PDE4D: variants seen among roughly 807,000 people sequenced by gnomAD.
PDE4D encodes 3',5'-cyclic-AMP phosphodiesterase 4D.
PDE4D carries 24 observed loss-of-function variants against 87.4 expected under a neutral mutation model. The ratio of observed to expected loss-of-function variants is 0.27; its 90% CI spans 0.20 to 0.39. PDE4D has a LOEUF of 0.39. Ranked by LOEUF, PDE4D falls within the 10% of genes least tolerant of loss-of-function variation. The pLI is 1.00. For missense variants in PDE4D, 714 were observed against 1,041.0 expected (o/e 0.69, Z 4.32); for synonymous variants, 384 against 383.2 (o/e 1.00, Z -0.02).
intron 1 of PDE4D, among the ~76,000 whole-genome samples, chr5:59,647,898 T>C (rs1443095119): frequency 6.4e-4 from 97 of 152,300 alleles, no homozygotes; most frequent in Non-Finnish European, 2.6e-4. Flanking sequence ...ATATGTAAAA[T>C]GAGGTAGAAC....
At chr5:59,751,570 C>A (rs1159798672) in intron 1 of PDE4D, among the ~76,000 whole-genome samples, 1 of 91,532 alleles carries the variant, frequency 1.1e-5, no homozygotes, top group Admixed American at 1.0e-4. Context: ...ACATATAAAT[C>A]CCTGGTGTGT....
chr5:59,222,194 C>T (rs577866365), intron 1 of PDE4D, among the ~76,000 whole-genome samples: 1 of 152,310 alleles, frequency 6.6e-6, no homozygotes, highest in African/African-American at 2.4e-5. Flanking sequence ...TAATACAGTT[C>T]CAATCTACCT....
At chr5:59,469,749 T>G (rs1463062392) in intron 1 of PDE4D, among the ~76,000 whole-genome samples, 1 of 152,290 alleles carries the variant, frequency 6.6e-6, no homozygotes, top group African/African-American at 2.4e-5. Flanking sequence ...ATGGGACTTT[T>G]GGGAGAGTAG....
chr5:59,294,556 C>T (rs193047809), intron 1 of PDE4D, among the ~76,000 whole-genome samples: 19 of 152,244 alleles, frequency 1.2e-4, no homozygotes, highest in Non-Finnish European at 1.2e-4. Context: ...CAACCTGGCC[C>T]TTACTCCAGC....
intron 1 of PDE4D, among the ~76,000 whole-genome samples, chr5:59,729,749 T>A (rs1208639318): frequency 6.6e-6 from 1 of 152,086 alleles, no homozygotes; most frequent in African/African-American, 2.4e-5. Flanking sequence ...TATATACATC[T>A]TAATCTTTTG....
At chr5:60,154,619 G>A (rs767406375) in intron 2 of PDE4D, among the ~76,000 whole-genome samples, 5 of 152,088 alleles carry the variant, frequency 3.3e-5, no homozygotes, top group Non-Finnish European at 5.9e-5. Context: ...AAAATTGCAC[G>A]TAAGTGTAAA....
chr5:60,156,374 AAAAC>A (rs1156387321), intron 2 of PDE4D, among the ~76,000 whole-genome samples: 1 of 152,220 alleles, frequency 6.6e-6, no homozygotes, highest in Non-Finnish European at 1.5e-5. Flanking sequence ...TCCAAGATTG[AAAAC>A]ACATTTGAGA....
At chr5:60,338,090 G>A (rs907136728) in intron 1 of PDE4D, among the ~76,000 whole-genome samples, 6 of 152,118 alleles carry the variant, frequency 3.9e-5, no homozygotes, top group African/African-American at 1.4e-4. Flanking sequence ...GGTAGATAAA[G>A]GAAGGTGAGT....
intron 6 of PDE4D, among the ~76,000 whole-genome samples, chr5:59,002,603 T>C (rs976899613): frequency 7.9e-5 from 12 of 152,062 alleles, no homozygotes; most frequent in African/African-American, 2.9e-4. Flanking sequence ...AGAGCACACA[T>C]GCCTGGCCAG....
intron 1 of PDE4D, among the ~76,000 whole-genome samples, chr5:59,593,058 A>C (rs1361497579): frequency 6.6e-6 from 1 of 151,928 alleles, no homozygotes; most frequent in Non-Finnish European, 1.5e-5. Flanking sequence ...AAATATAATA[A>C]AATACAGATC....
chr5:60,107,185 G>A (rs956402631), intron 2 of PDE4D, among the ~76,000 whole-genome samples: 2 of 152,140 alleles, frequency 1.3e-5, no homozygotes, highest in Admixed American at 1.3e-4. Flanking sequence ...TATCACCAAT[G>A]ATCCCACAGA....
intron 1 of PDE4D, among the ~76,000 whole-genome samples, chr5:59,613,170 T>C (rs1829217479): frequency 6.6e-6 from 1 of 152,134 alleles, no homozygotes; most frequent in African/African-American, 2.4e-5. Context: ...GGGCAAATTC[T>C]GGGTTATATT....
At chr5:60,450,435 A>G (rs1746010799) in intron 1 of PDE4D, among the ~76,000 whole-genome samples, 1 of 152,122 alleles carries the variant, frequency 6.6e-6, no homozygotes. Context: ...AACTGAATTC[A>G]CAACAAACTG....
rs377701062 is a variant in PDE4D at position 59,493,508 on chromosome 5, C to T, written c.456-277540G>A. ...AAATTAATGTAAAGTTGTTAAAGCA[C>T]AGTAAGTTCTCATTTTTCCCATCTA... On this transcript the variant is annotated intron_variant, in intron 1 of 14. Transcript: ENST00000340635. Among the ~76,000 whole-genome samples the T allele has an allele frequency of 4.6e-5, 7 of 152,322 alleles. No homozygotes were observed. In the East Asian group the frequency reaches 1.2e-3, roughly 25 times the overall value.
At chr5:60,104,316 C>A (rs1045980943) in intron 2 of PDE4D, among the ~76,000 whole-genome samples, 8 of 152,196 alleles carry the variant, frequency 5.3e-5, no homozygotes, top group Non-Finnish European at 1.2e-4. Context: ...GGAGAGGCGC[C>A]CACCATTGCC....
chr5:60,085,853 G>A (rs1774462375), intron 2 of PDE4D, among the ~76,000 whole-genome samples: 1 of 152,182 alleles, frequency 6.6e-6, no homozygotes. Flanking sequence ...TAGGTGAAAG[G>A]CCATGTTTAT....
chr5:59,458,627 G>A (rs890850804), intron 1 of PDE4D, among the ~76,000 whole-genome samples: 3 of 152,172 alleles, frequency 2.0e-5, no homozygotes, highest in Non-Finnish European at 2.9e-5. Context: ...TTAACTGTAC[G>A]ATTGGTTAAG....
At chr5:60,460,687 A>G in intron 1 of PDE4D, 1 of 986,762 alleles carries the variant, frequency 1.0e-6, no homozygotes, top group Non-Finnish European at 1.6e-6. Flanking sequence ...AGCAGGAGGC[A>G]TTCTTGGTTT....
intron 1 of PDE4D, among the ~76,000 whole-genome samples, chr5:59,730,159 C>T (rs563765997): frequency 1.3e-5 from 2 of 151,998 alleles, no homozygotes; most frequent in East Asian, 1.9e-4. Context: ...TAATTTGTTC[C>T]AAGCCGGAAA....
Sources: gnomAD v4.1 joint callset for allele counts (sites outside exome capture counted in the v4.1 genomes callset) on GRCh38, gnomAD v4.1.1 for gene constraint, MANE v1.5 for transcripts, NCBI Gene and HGNC (gene_info 2026-07-23, HGNC 2026-07-21) for gene names.